Variants in SPOPL observed in about 807,000 individuals in gnomAD.
SPOPL encodes speckle type BTB/POZ protein like.
In SPOPL, 23 loss-of-function variants were observed where a neutral mutation model predicts 53.8. That is an observed-to-expected ratio of 0.43 (90% confidence interval 0.31 to 0.61). The LOEUF is 0.61. Among genes scored for constraint, SPOPL ranks in the 20% least tolerant of loss-of-function variants. The probability of loss-of-function intolerance (pLI) is 0.12; values close to 1 mark genes in which losing one functional copy is unlikely to be tolerated. For synonymous variants in SPOPL, 164 were observed against 149.7 expected (o/e 1.10, Z -0.70); for missense variants, 442 against 466.9 (o/e 0.95, Z 0.49).
chr2:138,551,167 C>A, intron 4 of SPOPL, 113 bp downstream of exon 4: 1 of 1,197,606 alleles, frequency 8.3e-7, no homozygotes, highest in Non-Finnish European at 1.2e-6. Context: ...ATCTGCTTAA[C>A]CTGAAACTTT....
chr2:138,505,128 A>T (rs2104851038), intron 1 of SPOPL, among the ~76,000 whole-genome samples: 1 of 152,246 alleles, frequency 6.6e-6, no homozygotes, highest in Middle Eastern at 3.4e-3. Flanking sequence ...AAAATTCTTC[A>T]CCTTTCTGAA....
intron 1 of SPOPL, among the ~76,000 whole-genome samples, chr2:138,546,260 G>C (rs1230760867): frequency 1.3e-5 from 2 of 152,128 alleles, no homozygotes; most frequent in Non-Finnish European, 2.9e-5. Flanking sequence ...AAATGCTTAA[G>C]ACTAGTTTAT....
At chr2:138,564,446 G>A in intron 8 of SPOPL, 1 of 387,780 alleles carries the variant, frequency 2.6e-6, no homozygotes, top group East Asian at 4.8e-5. Context: ...AGAATATTGA[G>A]TAATAAGGTA....
intron 8 of SPOPL, among the ~76,000 whole-genome samples, chr2:138,562,775 TTCC>T: frequency 7.3e-6 from 1 of 136,098 alleles, no homozygotes; most frequent in Non-Finnish European, 1.5e-5. Flanking sequence ...AAGAGCAAGA[TTCC>T]ATCTCAAAAA....
At chr2:138,510,655 A>G (rs780865111) in intron 1 of SPOPL, among the ~76,000 whole-genome samples, 23 of 152,162 alleles carry the variant, frequency 1.5e-4, no homozygotes, top group African/African-American at 5.3e-4. Flanking sequence ...ACTTTATAAT[A>G]CCCCTCTTTA....
intron 1 of SPOPL, among the ~76,000 whole-genome samples, chr2:138,524,624 C>T (rs182689125): frequency 6.6e-6 from 1 of 152,330 alleles, no homozygotes; most frequent in East Asian, 1.9e-4. Flanking sequence ...ATTTTTTCCA[C>T]CAGATACCCT....
At chr2:138,544,044 A>G (rs1685134106) in intron 1 of SPOPL, among the ~76,000 whole-genome samples, 1 of 152,200 alleles carries the variant, frequency 6.6e-6, no homozygotes, top group Non-Finnish European at 1.5e-5. Context: ...GCTGCAGAAC[A>G]GCGGATATTG....
chr2:138,530,786 CCAATTCTTATGCTTT>C (rs1342844922), intron 1 of SPOPL, among the ~76,000 whole-genome samples: 1 of 152,048 alleles, frequency 6.6e-6, no homozygotes, highest in African/African-American at 2.4e-5. Flanking sequence ...TTATGCCTTT[CCAATTCTTATGCTTT>C]TCATTTATTT....
chr2:138,550,756 G>A lies in SPOPL; in HGVS notation c.201-147G>A, dbSNP rs879033315. ...TCCTAATAGTGTGGGGAATTATAAA[G>A]AACTGTGAGGATGTTGACAGGAGTG... On this transcript the variant is annotated intron_variant, in intron 3 of 10. Transcript: ENST00000280098. The A allele has an allele frequency of 6.2e-5, 87 of 1,393,872 alleles. 1 individual carries two copies. In the South Asian group the frequency reaches 8.3e-4, roughly 13 times the overall value. The allele number at this position is 1,393,872 out of a possible 1,614,324, so 86.3% of individuals were successfully genotyped here. A position where few individuals can be genotyped will look rare whatever the true frequency, so the allele number is the denominator to read the frequency against.
chr2:138,573,037 TA>T lies in SPOPL; in HGVS notation c.*3958del, dbSNP rs1573917748. ...TTTGAAAATGAAATTCTGCAAAAAT[TA>T]TTTAAAAATTAGTTCTTGGGGAAAT... is the stretch of plus-strand genomic sequence containing the variant. On this transcript the variant is annotated 3_prime_UTR_variant, in exon 11 of 11. Coordinates refer to ENST00000280098, the MANE Select transcript of SPOPL (RefSeq NM_001001664.3). The T allele has an allele frequency of 6.6e-6, 1 of 152,174 alleles. No homozygotes were observed. The highest frequency in any genetic ancestry group is 1.5e-5 in the Non-Finnish European group (1 of 68,008). 9.4% of individuals were successfully genotyped at this position (152,174 alleles called of 1,614,324 possible).
At chr2:138,514,965 C>T (rs1225546570) in intron 1 of SPOPL, among the ~76,000 whole-genome samples, 1 of 152,160 alleles carries the variant, frequency 6.6e-6, no homozygotes, top group Non-Finnish European at 1.5e-5. Flanking sequence ...ATTCCTTTCC[C>T]TACTCCTACC....
intron 5 of SPOPL, among the ~76,000 whole-genome samples, chr2:138,555,621 A>G (rs1027936742): frequency 6.6e-6 from 1 of 152,194 alleles, no homozygotes; most frequent in Admixed American, 6.5e-5. Flanking sequence ...TTGTAGTACT[A>G]TTTAGCATTG....
At chr2:138,567,291 A>G (rs182692163) in intron 10 of SPOPL, among the ~76,000 whole-genome samples, 2 of 152,176 alleles carry the variant, frequency 1.3e-5, no homozygotes. Flanking sequence ...TTGGTGAAGA[A>G]GAGGGAAGAG....
At chr2:138,557,800 A>AT (rs1685460241) in intron 5 of SPOPL, among the ~76,000 whole-genome samples, 3 of 152,082 alleles carry the variant, frequency 2.0e-5, no homozygotes, top group Admixed American at 6.6e-5. Context: ...CTTTAAGTGT[A>AT]TTTTTTTACA....
intron 2 of SPOPL, 31 bp downstream of exon 2, chr2:138,550,325 G>C (rs1181345236): frequency 6.2e-7 from 1 of 1,611,502 alleles, no homozygotes; most frequent in South Asian, 1.1e-5. Flanking sequence ...CTCACTTTAT[G>C]TCACTTATAA....
rs576833502 is a variant in SPOPL at position 138,549,135 on chromosome 2, G to A, written c.-60-1022G>A. Among the ~76,000 whole-genome samples the A allele has an allele frequency of 1.7e-4, 26 of 152,046 alleles. No homozygotes were observed. In the South Asian group the frequency reaches 2.9e-3, roughly 17 times the overall value. ...GCATTATTGAATGTTGGGTATTGCT[G>A]TCTCCAACTATTATTGTAGAATTGT... On this transcript the variant is annotated intron_variant, in intron 1 of 10. Coordinates refer to ENST00000280098, the MANE Select transcript of SPOPL (RefSeq NM_001001664.3).
intron 1 of SPOPL, among the ~76,000 whole-genome samples, chr2:138,504,221 A>G (rs989235603): frequency 2.6e-5 from 4 of 152,248 alleles, no homozygotes; most frequent in East Asian, 1.9e-4. Context: ...TTGTGCCACC[A>G]TGGAACATGT....
chr2:138,555,332 C>G (rs1558878211), intron 5 of SPOPL, among the ~76,000 whole-genome samples: 1 of 152,054 alleles, frequency 6.6e-6, no homozygotes, highest in South Asian at 2.1e-4. Flanking sequence ...GAAATACATT[C>G]AAATCATAGC....
At chr2:138,523,560 C>T (rs1353929646) in intron 1 of SPOPL, among the ~76,000 whole-genome samples, 1 of 152,160 alleles carries the variant, frequency 6.6e-6, no homozygotes. Flanking sequence ...CAAGTCCCTT[C>T]CACCTGTGAG....
Sources: gnomAD v4.1 joint callset for allele counts (sites outside exome capture counted in the v4.1 genomes callset) on GRCh38, gnomAD v4.1.1 for gene constraint, MANE v1.5 for transcripts, NCBI Gene and HGNC (gene_info 2026-07-23, HGNC 2026-07-21) for gene names.